LRRK2: variants seen among roughly 807,000 people sequenced by gnomAD.
The protein encoded by LRRK2 is leucine-rich repeat serine/threonine-protein kinase 2.
LRRK2 carries 203 observed loss-of-function variants against 302.6 expected under a neutral mutation model. That is an observed-to-expected ratio of 0.67 (90% CI 0.60 to 0.75). LRRK2 has a LOEUF of 0.75. LRRK2 is among the 30% of genes least tolerant of loss of function. LRRK2 has a pLI of 0.00. For synonymous variants in LRRK2, 1,066 were observed against 1,031.9 expected (o/e 1.03, Z -0.63); for missense variants, 2,830 against 2,951.0 (o/e 0.96, Z 0.95).
rs564764042 is a variant in LRRK2, at chr12:40,263,965, G to A, written c.1656+64G>A. 21 of 1,262,702 alleles carry A rather than the reference G, an allele frequency of 1.7e-5. No individual in the cohort carries two copies. In the South Asian group the frequency reaches 2.3e-4, roughly 14 times the overall value. 78.2% of individuals were successfully genotyped at this position (1,262,702 alleles called of 1,614,324 possible). On this transcript the variant is annotated intron_variant, in intron 14 of 50. Coordinates refer to ENST00000298910, the MANE Select transcript of LRRK2 (RefSeq NM_198578.4). ...CTAAAATATTAAATTTGGAGAACTA[G>A]GGGCGCTTTTTCAGTCTAAGTTTTC...
In LRRK2 at chr12:40,304,058, T is replaced by C. The variant is rs768958013; in HGVS notation, c.3701T>C (p.Ile1234Thr). The change falls in exon 27 of 51, where the codon ATC becomes ACC. Residue 1234 changes from isoleucine (I) to threonine (T), a missense_variant. Ile to Thr is a moderately conservative substitution (Grantham distance 89). Around this residue, in one of 3 missense-constraint regions of LRRK2, gnomAD observed 2,121 missense variants for 2,148.0 expected, o/e 0.99. Transcript: ENST00000298910. ...ELLFSHNQIS[I>T]LDLSEKAYLW... ...TTATTTAGCCATAATCAGATCAGCA[T>C]CTTGGACTTGAGTGAAAAAGCATAT... 3.1e-6 allele frequency: 5 copies of C among 1,613,718 alleles called. No homozygotes were observed. The highest frequency in any genetic ancestry group is 4.2e-6 in the Non-Finnish European group (5 of 1,179,724).
At chr12:40,227,516 C>T (rs1330120120) in intron 2 of LRRK2, among the ~76,000 whole-genome samples, 3 of 152,130 alleles carry the variant, frequency 2.0e-5, no homozygotes, top group African/African-American at 7.2e-5. Flanking sequence ...TCCATGAGAT[C>T]CACCTTTTCC....
Position 40,316,044 on chromosome 12 carries a change from A to G in LRRK2, c.4827+744A>G, listed in dbSNP as rs902174386. 5.3e-5 allele frequency among the ~76,000 whole-genome samples: 8 copies of G among 152,024 alleles called. No individual in the cohort carries two copies. In the South Asian group the frequency reaches 1.4e-3, roughly 28 times the overall value. On this transcript the variant is annotated intron_variant, in intron 33 of 50. Coordinates refer to ENST00000298910, the MANE Select transcript of LRRK2 (RefSeq NM_198578.4). ...GTATCCTCTAGCTGTGACAAGCAAAAATGTATCCAGACATTGCTAAATATT... is the reference window on the plus strand; with the variant it reads ...GTATCCTCTAGCTGTGACAAGCAAAGATGTATCCAGACATTGCTAAATATT...
At position 40,310,614 on chromosome 12, in the gene LRRK2, C is replaced by T. The variant is rs780894154; in HGVS notation, c.4501C>T (p.Arg1501Trp). 8.7e-6 allele frequency: 14 copies of T among 1,612,354 alleles called. No individual in the cohort carries two copies. Among genetic ancestry groups the T allele is most frequent in the African/African-American group, 8.1e-5 (6 of 74,384 alleles). Residue 1501 changes from arginine (R) to tryptophan (W), a missense_variant, in exon 31 of 51, where the codon CGG (arginine) becomes TGG (tryptophan). Around this residue, in one of 3 missense-constraint regions of LRRK2, gnomAD observed 2,121 missense variants for 2,148.0 expected, o/e 0.99. Transcript: ENST00000298910. ...TEESDALAKLRKTIINESLNF... is the reference protein window; with the variant it reads ...TEESDALAKLWKTIINESLNF... Reference sequence around the variant, plus strand: ...GGAATCTGATGCTTTGGCAAAACTTCGGAAAACCATCATAAACGAGAGCCT... The same window carrying T: ...GGAATCTGATGCTTTGGCAAAACTTTGGAAAACCATCATAAACGAGAGCCT...
intron 45 of LRRK2, among the ~76,000 whole-genome samples, chr12:40,355,508 C>G (rs1946501148): frequency 4.0e-5 from 2 of 50,454 alleles, no homozygotes; most frequent in African/African-American, 9.5e-5. Context: ...TCCTTCCATC[C>G]CTCCCTCCCT....
chr12:40,338,571 T>C (rs535169625), intron 40 of LRRK2, among the ~76,000 whole-genome samples: 1 of 152,330 alleles, frequency 6.6e-6, no homozygotes, highest in South Asian at 2.1e-4. Flanking sequence ...TCTTTACTTA[T>C]TATTTCAAAA....
rs745405235 is a variant in LRRK2 at position 40,304,146 on chromosome 12, A to G, written c.3777+12A>G. 2 of 1,609,890 alleles carry G rather than the reference A, an allele frequency of 1.2e-6. No homozygotes were observed. Among genetic ancestry groups the G allele is most frequent in the Non-Finnish European group, 1.7e-6 (2 of 1,177,074 alleles). On this transcript the variant is annotated intron_variant, in intron 27 of 50. Transcript: ENST00000298910. ...ATAAACTGAAAGAGGTAAGACGATT[A>G]TTGCCACTTAAAAAATATACTTTAT...
Position 40,295,569 on chromosome 12 carries a change from T to G in LRRK2, c.3021T>G (p.Ser1007Arg). The G allele has an allele frequency of 6.2e-7, 1 of 1,614,068 alleles. No homozygotes were observed. The highest frequency in any genetic ancestry group is 8.5e-7 in the Non-Finnish European group (1 of 1,180,002). Residue 1007 changes from serine to arginine, a missense_variant, in exon 23 of 51, where the codon AGT becomes AGG. Transcript: ENST00000298910. Reference protein sequence around the residue: ...IDALSQKCCISVHLEHLEKLE... With the variant: ...IDALSQKCCIRVHLEHLEKLE... ...CCCTAAGCCAGAAATGCTGTATAAGTGTTCATTTGGAGCATCTTGAAAAGC... is the reference window on the plus strand; with the variant it reads ...CCCTAAGCCAGAAATGCTGTATAAGGGTTCATTTGGAGCATCTTGAAAAGC...
intron 12 of LRRK2, among the ~76,000 whole-genome samples, chr12:40,258,544 G>A (rs1409786184): frequency 1.3e-5 from 2 of 152,164 alleles, no homozygotes; most frequent in African/African-American, 2.4e-5. Context: ...ATGCTCTTAC[G>A]TAAAATGTGT....
chr12:40,290,214 AAATACACT>A (rs1192320691), intron 20 of LRRK2, among the ~76,000 whole-genome samples: 6 of 152,020 alleles, frequency 3.9e-5, no homozygotes, highest in African/African-American at 1.4e-4. Context: ...TAATATGGTC[AAATACACT>A]GACTGATTTT....
Position 40,225,001 on chromosome 12 carries a change from C to A in LRRK2, c.-131C>A. Reference sequence around the variant, plus strand: ...CAGGCGGGCGTGGGCGCCGATGGGGCCCGCGGGGAGCGCTGGCTGCGGGCG... The same window carrying A: ...CAGGCGGGCGTGGGCGCCGATGGGGACCGCGGGGAGCGCTGGCTGCGGGCG... On this transcript the variant is annotated 5_prime_UTR_variant, in exon 1 of 51. Coordinates refer to ENST00000298910, the MANE Select transcript of LRRK2 (RefSeq NM_198578.4). The A allele has an allele frequency of 1.6e-6, 2 of 1,234,116 alleles. No homozygotes were observed. The highest frequency in any genetic ancestry group is 2.3e-6 in the Non-Finnish European group (2 of 872,490). 76.4% of individuals were successfully genotyped at this position (1,234,116 alleles called of 1,614,324 possible).
At chr12:40,246,594 G>A (rs1170363244) in intron 7 of LRRK2, among the ~76,000 whole-genome samples, 1 of 152,092 alleles carries the variant, frequency 6.6e-6, no homozygotes, top group Non-Finnish European at 1.5e-5. Context: ...CAGTTGCGGA[G>A]CCTTGTTTTC....
intron 18 of LRRK2, among the ~76,000 whole-genome samples, chr12:40,280,430 C>A (rs1321276475): frequency 6.6e-6 from 1 of 151,438 alleles, no homozygotes; most frequent in African/African-American, 2.4e-5. Context: ...TCAAGACCAG[C>A]CTGGGCAACA....
intron 39 of LRRK2, among the ~76,000 whole-genome samples, chr12:40,329,585 A>G (rs371776514): frequency 6.6e-6 from 1 of 152,152 alleles, no homozygotes; most frequent in African/African-American, 2.4e-5. Context: ...CTTCTAGATA[A>G]AGAAATGCAA....
Position 40,298,986 on chromosome 12 carries a change from C to T in LRRK2, c.3348-123C>T, listed in dbSNP as rs1049383307. On this transcript the variant is annotated intron_variant, in intron 24 of 50. Transcript: ENST00000298910. ...TATCAACTGACTTACATTTTTACAA[C>T]TAATTTTTAAATTAATGAGTCCTCT... is the stretch of plus-strand genomic sequence containing the variant. 3 of 811,210 alleles carry T rather than the reference C, an allele frequency of 3.7e-6. No individual in the cohort carries two copies. The African/African-American group carries it at 5.6e-5, about 15-fold the overall frequency. The allele number at this position is 811,210 out of a possible 1,614,324, so 50.3% of individuals were successfully genotyped here. A position where few individuals can be genotyped will look rare whatever the true frequency, so the allele number is the denominator to read the frequency against.
chr12:40,276,327 A>G (rs1943450050), intron 16 of LRRK2, among the ~76,000 whole-genome samples: 1 of 151,936 alleles, frequency 6.6e-6, no homozygotes, highest in African/African-American at 2.4e-5. Flanking sequence ...ACAGAGTCTC[A>G]CTCTGTTGCC....
At chr12:40,288,543 G>A (rs1461803041) in intron 20 of LRRK2, among the ~76,000 whole-genome samples, 1 of 151,726 alleles carries the variant, frequency 6.6e-6, no homozygotes, top group Non-Finnish European at 1.5e-5. Flanking sequence ...CAAAATGATT[G>A]TACTATGTTC....
intron 40 of LRRK2, among the ~76,000 whole-genome samples, chr12:40,336,800 G>A (rs901146638): frequency 6.6e-6 from 1 of 152,168 alleles, no homozygotes; most frequent in African/African-American, 2.4e-5. Flanking sequence ...TAGGTAAAGT[G>A]CAGAATAGTC....
chr12:40,251,803 G>T (rs533365997), intron 10 of LRRK2, among the ~76,000 whole-genome samples: 2 of 152,224 alleles, frequency 1.3e-5, no homozygotes, highest in African/African-American at 4.8e-5. Flanking sequence ...CATGGAGAAA[G>T]AATCTTTCTA....
Sources: gnomAD v4.1 joint callset for allele counts (sites outside exome capture counted in the v4.1 genomes callset) on GRCh38, gnomAD v4.1.1 for gene constraint, gnomAD v4.1.1 regional missense constraint, MANE v1.5 for transcripts, NCBI Gene and HGNC (gene_info 2026-07-23, HGNC 2026-07-21) for gene names.